Variants in ALPK2 observed in about 807,000 individuals in gnomAD.
The protein encoded by ALPK2 is alpha-protein kinase 2.
In ALPK2, 127 loss-of-function variants were observed where a neutral mutation model predicts 163.1. The observed-to-expected ratio is 0.78, with a 90% CI of 0.67 to 0.90. The LOEUF (loss-of-function observed/expected upper bound fraction) is 0.90. Ranked by LOEUF, ALPK2 falls within the 40% of genes least tolerant of loss-of-function variation. ALPK2 has a pLI of 0.00. For synonymous variants in ALPK2, 953 were observed against 959.1 expected, an observed-to-expected ratio of 0.99 and a Z score of 0.12; for missense variants, 2,360 against 2,589.6, an observed-to-expected ratio of 0.91 and a Z score of 1.92.
rs368834575 is a variant in ALPK2, at chr18:58,597,011, G to A, written c.227+10311C>T. Reference sequence around the variant, plus strand: ...AATTAAAAAAAAACAAAATTGGCCCGGTGCAGTGGCTCATGCCTGTAATCC... The same window carrying A: ...AATTAAAAAAAAACAAAATTGGCCCAGTGCAGTGGCTCATGCCTGTAATCC... On this transcript the variant is annotated intron_variant, in intron 3 of 12. Coordinates refer to ENST00000361673, the MANE Select transcript of ALPK2 (RefSeq NM_052947.4). 1.8e-4 allele frequency among the ~76,000 whole-genome samples: 28 copies of A among 152,226 alleles called. No homozygotes were observed. In the South Asian group the frequency reaches 3.9e-3, roughly 21 times the overall value.
chr18:58,520,003 C>T (rs548104055), intron 8 of ALPK2, among the ~76,000 whole-genome samples: 21 of 152,212 alleles, frequency 1.4e-4, no homozygotes, highest in Admixed American at 1.0e-3. Flanking sequence ...AGGAAAAGCA[C>T]GAGTGTAGCA....
At chr18:58,595,110 C>A (rs918241880) in intron 3 of ALPK2, among the ~76,000 whole-genome samples, 1 of 152,190 alleles carries the variant, frequency 6.6e-6, no homozygotes, top group African/African-American at 2.4e-5. Flanking sequence ...GTGAAGAGAA[C>A]CTGCCTTCCC....
At position 58,596,204 on chromosome 18, in the gene ALPK2, A is replaced by C. The variant is rs115267912; in HGVS notation, c.227+11118T>G. 6.6e-3 allele frequency among the ~76,000 whole-genome samples: 1,004 copies of C among 152,340 alleles called. 15 individuals are homozygous for C. The highest frequency in any genetic ancestry group is 0.023 in the African/African-American group (951 of 41,574). ...CCCAAAAGCAGGCTCAGAGACCTGT[A>C]GTCAGGGAAGAAGCCCGTCACAAGT... On this transcript the variant is annotated intron_variant, in intron 3 of 12. Transcript: ENST00000361673.
chr18:58,534,886 G>A lies in ALPK2; in HGVS notation c.5301C>T (p.His1767=), dbSNP rs1568077004. Residue 1767 remains histidine, a synonymous_variant, in exon 5 of 13, where the codon CAC becomes CAT. Coordinates refer to ENST00000361673, the MANE Select transcript of ALPK2 (RefSeq NM_052947.4). ...KMPKLETSLS[H]TEEKQDPKKP... ...TTTTTGGGTCTTGTTTCTCTTCTGT[G>A]TGTGATAATGATGTTTCGAGTTTGG... 3.1e-6 allele frequency: 5 copies of A among 1,613,968 alleles called. No homozygotes were observed. Among genetic ancestry groups the A allele is most frequent in the East Asian group, 2.2e-5 (1 of 44,886 alleles).
rs549259478 is a variant in ALPK2 at position 58,624,537 on chromosome 18, C to G, written c.-21+4227G>C. 5.3e-5 allele frequency among the ~76,000 whole-genome samples: 8 copies of G among 151,952 alleles called. No individual in the cohort carries two copies. The East Asian group carries it at 1.5e-3, about 29-fold the overall frequency. ...TGGCACGATTTCGGGTCACTGCAAC[C>G]TCTGCCTCCCGGGTTCAAGCGATTC... On this transcript the variant is annotated intron_variant, in intron 1 of 12. Transcript: ENST00000361673.
chr18:58,513,812 A>C (rs1373894306), intron 10 of ALPK2, among the ~76,000 whole-genome samples: 3 of 152,174 alleles, frequency 2.0e-5, no homozygotes, highest in Non-Finnish European at 4.4e-5. Flanking sequence ...TCAAGGCTGC[A>C]GTGAGCCGTG....
At chr18:58,524,282 A>G (rs1239655315) in intron 6 of ALPK2, among the ~76,000 whole-genome samples, 1 of 152,250 alleles carries the variant, frequency 6.6e-6, no homozygotes, top group Non-Finnish European at 1.5e-5. Flanking sequence ...AATAAGCAGT[A>G]GGTTTAACTG....
chr18:58,504,301 G>C (rs748734127), intron 10 of ALPK2, among the ~76,000 whole-genome samples, 153 bp from the exon 11 acceptor site: 1 of 152,194 alleles, frequency 6.6e-6, no homozygotes, highest in Non-Finnish European at 1.5e-5. Flanking sequence ...TGACTTTTTA[G>C]TGGGTAAGAT....
At chr18:58,613,845 C>T (rs1269638375) in intron 1 of ALPK2, among the ~76,000 whole-genome samples, 1 of 152,046 alleles carries the variant, frequency 6.6e-6, no homozygotes, top group African/African-American at 2.4e-5. Context: ...GCCCTTGGAG[C>T]ATTCTGCTCA....
At chr18:58,568,733 A>G (rs1323662431) in intron 4 of ALPK2, among the ~76,000 whole-genome samples, 1 of 152,188 alleles carries the variant, frequency 6.6e-6, no homozygotes, top group Non-Finnish European at 1.5e-5. Flanking sequence ...ACAACTATTC[A>G]CGTAGCATTT....
At chr18:58,554,674 C>G (rs533121209) in intron 4 of ALPK2, among the ~76,000 whole-genome samples, 2 of 152,336 alleles carry the variant, frequency 1.3e-5, no homozygotes, top group Non-Finnish European at 2.9e-5. Context: ...ACAGGCTTCT[C>G]TGCCCTCCCT....
intron 4 of ALPK2, among the ~76,000 whole-genome samples, chr18:58,555,084 G>A (rs2051783008): frequency 1.3e-5 from 2 of 152,200 alleles, no homozygotes; most frequent in South Asian, 4.1e-4. Flanking sequence ...ATAGCAGTAT[G>A]AAAATGGACT....
intron 3 of ALPK2, among the ~76,000 whole-genome samples, chr18:58,594,624 T>A (rs2052032175): frequency 6.6e-6 from 1 of 152,162 alleles, no homozygotes; most frequent in Admixed American, 6.5e-5. Context: ...TGCTAATTCA[T>A]CAAACACCCA....
rs182605294 is a variant in ALPK2, at chr18:58,565,936, C to G, written c.1962+12878G>C. Reference sequence around the variant, plus strand: ...AGCTGGGACTACAGGCGTGCACCACCACGCCCCGGCTAATTTTTGTATTTT... The same window carrying G: ...AGCTGGGACTACAGGCGTGCACCACGACGCCCCGGCTAATTTTTGTATTTT... On this transcript the variant is annotated intron_variant, in intron 4 of 12. Coordinates refer to ENST00000361673, the MANE Select transcript of ALPK2 (RefSeq NM_052947.4). Among the ~76,000 whole-genome samples, 332 of 152,190 alleles carry G rather than the reference C, an allele frequency of 2.2e-3. 1 individual carries two copies. The highest frequency in any genetic ancestry group is 7.6e-3 in the African/African-American group (315 of 41,504).
At chr18:58,600,519 A>G in intron 3 of ALPK2, 1 of 152,172 alleles carries the variant, frequency 6.6e-6, no homozygotes, top group East Asian at 1.9e-4. Flanking sequence ...GAGCTCTCAA[A>G]CCAGAGTATC....
At chr18:58,511,281 G>A (rs574374915) in intron 10 of ALPK2, among the ~76,000 whole-genome samples, 11 of 152,242 alleles carry the variant, frequency 7.2e-5, no homozygotes, top group East Asian at 1.9e-4. Flanking sequence ...TGCTGGATTC[G>A]GTTTGCCAGT....
At chr18:58,601,540 G>C (rs1222658148) in intron 3 of ALPK2, among the ~76,000 whole-genome samples, 1 of 152,140 alleles carries the variant, frequency 6.6e-6, no homozygotes, top group African/African-American at 2.4e-5. Context: ...ATATTGGGTG[G>C]AACTCATGAG....
At chr18:58,533,167 C>T (rs1602204441) in intron 5 of ALPK2, among the ~76,000 whole-genome samples, 2 of 152,232 alleles carry the variant, frequency 1.3e-5, no homozygotes, top group East Asian at 3.8e-4. Context: ...TCGGTCTTTG[C>T]AGCCTTTAGT....
At chr18:58,573,356 ATG>A (rs201921906) in intron 4 of ALPK2, among the ~76,000 whole-genome samples, 5 of 139,182 alleles carry the variant, frequency 3.6e-5, no homozygotes, top group South Asian at 2.2e-4. Flanking sequence ...GTATATATAT[ATG>A]TGTGTGTATA....
Sources: gnomAD v4.1 joint callset for allele counts (sites outside exome capture counted in the v4.1 genomes callset) on GRCh38, gnomAD v4.1.1 for gene constraint, MANE v1.5 for transcripts, NCBI Gene and HGNC (gene_info 2026-07-23, HGNC 2026-07-21) for gene names.